The following NMT2 variants were observed in gnomAD, a reference collection of about 807,000 sequenced individuals.
NMT2 encodes the protein glycylpeptide N-tetradecanoyltransferase 2.
A neutral mutation model predicts 65.4 loss-of-function variants in NMT2; 35 were observed. The observed-to-expected ratio is 0.54, with a 90% CI of 0.41 to 0.71. The LOEUF (loss-of-function observed/expected upper bound fraction) is 0.71, where lower values mean the gene tolerates loss of function less well. Ranked by LOEUF, NMT2 falls within the 30% of genes least tolerant of loss-of-function variation. The pLI is 0.00. For synonymous variants in NMT2, 226 were observed against 231.8 expected (o/e 0.98, Z 0.23); for missense variants, 489 against 611.3 (o/e 0.80, Z 2.11).
rs537880812 is a variant in NMT2 at position 15,107,287 on chromosome 10, A to T, written c.*1908T>A. ...GCCTGTGGGCTACACAAAAATAAGC[A>T]ATGGGCTGGATTTAGCCCACAGGCC... is the stretch of plus-strand genomic sequence containing the variant. On this transcript the variant is annotated 3_prime_UTR_variant, in exon 12 of 12. Transcript: ENST00000378165. The T allele has an allele frequency of 1.1e-6, 1 of 913,594 alleles. No individual in the cohort carries two copies. Among genetic ancestry groups the T allele is most frequent in the Non-Finnish European group, 1.3e-6 (1 of 764,468 alleles). 56.6% of individuals were successfully genotyped at this position (913,594 alleles called of 1,614,324 possible).
At position 15,130,236 on chromosome 10, in the gene NMT2, T is replaced by G; in HGVS notation, c.796A>C (p.Ile266Leu). 1 of 1,610,020 alleles carries G rather than the reference T, an allele frequency of 6.2e-7. No individual in the cohort carries two copies. The highest frequency in any genetic ancestry group is 8.5e-7 in the Non-Finnish European group (1 of 1,177,962). The change falls in exon 7 of 12, where the codon ATC (isoleucine) becomes CTC (leucine). Residue 266 changes from isoleucine to leucine, a missense_variant. Physicochemically the swap from Ile to Leu is conservative, Grantham distance 5 (BLOSUM62 2). Coordinates refer to ENST00000378165, the MANE Select transcript of NMT2 (RefSeq NM_004808.3). ...LRSKRVAPVL[I>L]REITRRVNLE... is the part of the protein sequence containing the mutation. Reference sequence around the variant, plus strand: ...TTCACTCTTCTAGTGATCTCTCGGATTAGCACTGGGGCTACCCGTTTCGAT... The same window carrying G: ...TTCACTCTTCTAGTGATCTCTCGGAGTAGCACTGGGGCTACCCGTTTCGAT...
chr10:15,155,017 T>A, intron 1 of NMT2: 1 of 1,200,320 alleles, frequency 8.3e-7, no homozygotes, highest in Non-Finnish European at 1.2e-6. Context: ...CCAGGACCTG[T>A]ATGCTTCATG....
chr10:15,143,875 C>T (rs1001952126), intron 1 of NMT2, among the ~76,000 whole-genome samples: 1 of 152,082 alleles, frequency 6.6e-6, no homozygotes, highest in African/African-American at 2.4e-5. Flanking sequence ...ACAACAACAA[C>T]ACAACAACAA....
At chr10:15,113,564 T>C (rs192966032) in intron 9 of NMT2, among the ~76,000 whole-genome samples, 1 of 148,554 alleles carries the variant, frequency 6.7e-6, no homozygotes, top group East Asian at 2.0e-4. Context: ...TTCTTTAGAC[T>C]AAGGGAACAG....
At chr10:15,165,362 C>A (rs1348427925) in intron 1 of NMT2, among the ~76,000 whole-genome samples, 2 of 152,154 alleles carry the variant, frequency 1.3e-5, no homozygotes. Flanking sequence ...ATTCTAATTG[C>A]AAATCGTGTG....
chr10:15,140,926 G>A, intron 2 of NMT2: 1 of 1,392,904 alleles, frequency 7.2e-7, no homozygotes, highest in Non-Finnish European at 1.0e-6. Flanking sequence ...CCCACCCTTG[G>A]CATTAGAATG....
chr10:15,115,308 GACA>G (rs1845706940), intron 9 of NMT2, among the ~76,000 whole-genome samples: 1 of 151,974 alleles, frequency 6.6e-6, no homozygotes. Context: ...TGATATTTAA[GACA>G]ACAATATTTA....
intron 8 of NMT2, among the ~76,000 whole-genome samples, chr10:15,124,567 A>G (rs1846021416): frequency 1.3e-5 from 2 of 152,270 alleles, no homozygotes; most frequent in Admixed American, 1.3e-4. Context: ...AAGCAAAAAG[A>G]GTAACAATGA....
At chr10:15,140,520 CT>C (rs1564578530) in intron 2 of NMT2, among the ~76,000 whole-genome samples, 1 of 151,674 alleles carries the variant, frequency 6.6e-6, no homozygotes, top group Non-Finnish European at 1.5e-5. Context: ...CTTTCTTTTT[CT>C]TTTTTTATTT....
At chr10:15,164,990 C>A (rs1833328980) in intron 1 of NMT2, among the ~76,000 whole-genome samples, 1 of 152,086 alleles carries the variant, frequency 6.6e-6, no homozygotes, top group Non-Finnish European at 1.5e-5. Flanking sequence ...ACGGTAAAAT[C>A]CTGTCTCTAT....
intron 8 of NMT2, among the ~76,000 whole-genome samples, chr10:15,126,334 CAGG>C (rs1390529364): frequency 6.6e-6 from 1 of 150,966 alleles, no homozygotes; most frequent in Non-Finnish European, 1.5e-5. Context: ...GAGGCTGAGG[CAGG>C]AGAATTGCTT....
chr10:15,166,174 A>G (rs1008371612), intron 1 of NMT2, among the ~76,000 whole-genome samples: 1 of 152,208 alleles, frequency 6.6e-6, no homozygotes, highest in Non-Finnish European at 1.5e-5. Context: ...TTTCAACTTA[A>G]TATGTCTAAA....
At chr10:15,130,786 C>CTTTTTTT (rs765987022) in intron 6 of NMT2, among the ~76,000 whole-genome samples, 24 of 101,186 alleles carry the variant, frequency 2.4e-4, no homozygotes, top group Non-Finnish European at 2.8e-4. Flanking sequence ...TTCTTTCTTT[C>CTTTTTTT]TTTTTTTTTT....
At chr10:15,136,827 CTTTT>C (rs113306321) in intron 2 of NMT2, among the ~76,000 whole-genome samples, 1 of 142,596 alleles carries the variant, frequency 7.0e-6, no homozygotes. Flanking sequence ...TTCCCCAGTT[CTTTT>C]TTTTTTTTTT....
intron 1 of NMT2, among the ~76,000 whole-genome samples, chr10:15,159,182 C>A (rs948320730): frequency 2.6e-5 from 4 of 152,098 alleles, no homozygotes; most frequent in African/African-American, 9.7e-5. Flanking sequence ...CCTTTCTTGG[C>A]CAGAAACCAG....
intron 10 of NMT2, 60 bp from the exon 11 acceptor site, chr10:15,109,899 TATCTC>T: frequency 7.3e-7 from 1 of 1,373,638 alleles, no homozygotes; most frequent in Non-Finnish European, 1.0e-6. Flanking sequence ...CTGTATTACA[TATCTC>T]AGTTTAACAA....
intron 6 of NMT2, among the ~76,000 whole-genome samples, chr10:15,131,225 C>T (rs963113725): frequency 3.3e-5 from 5 of 152,040 alleles, no homozygotes; most frequent in Non-Finnish European, 7.4e-5. Context: ...CTCCAACCCT[C>T]TTGTTCTAAA....
intron 8 of NMT2, among the ~76,000 whole-genome samples, chr10:15,123,607 C>A (rs1007826413): frequency 6.6e-6 from 1 of 150,732 alleles, no homozygotes; most frequent in Non-Finnish European, 1.5e-5. Flanking sequence ...CTATTGTCCT[C>A]AGAAAGAACC....
At chr10:15,140,861 C>T in intron 2 of NMT2, 2 of 856,556 alleles carry the variant, frequency 2.3e-6, no homozygotes, top group Non-Finnish European at 3.8e-6. Context: ...CAACACGGGG[C>T]CCAGCTGGAC....
Sources: allele counts gnomAD v4.1 joint callset (sites outside exome capture counted in the v4.1 genomes callset), GRCh38; gene constraint gnomAD v4.1.1; transcripts MANE v1.5; gene names NCBI Gene and HGNC (gene_info 2026-07-23, HGNC 2026-07-21).